Variants in ITGA9 observed in about 807,000 individuals in gnomAD.
The protein encoded by ITGA9 is integrin alpha-9.
In ITGA9, 56 loss-of-function variants were observed where a neutral mutation model predicts 127.8. The ratio of observed to expected loss-of-function variants is 0.44; its 90% confidence interval spans 0.35 to 0.55. The LOEUF (loss-of-function observed/expected upper bound fraction) is 0.55. ITGA9 is among the 20% of genes least tolerant of loss of function. The pLI is 0.00. For missense variants in ITGA9, 1,196 were observed against 1,347.1 expected, an observed-to-expected ratio of 0.89 and a Z score of 1.76; for synonymous variants, 508 against 514.5, an observed-to-expected ratio of 0.99 and a Z score of 0.17.
At chr3:37,783,737 C>A (rs1697006101) in intron 25 of ITGA9, among the ~76,000 whole-genome samples, 1 of 152,152 alleles carries the variant, frequency 6.6e-6, no homozygotes, top group Non-Finnish European at 1.5e-5. Flanking sequence ...TTATTTGTTG[C>A]TTAAAATTAT....
chr3:37,662,121 G>T (rs958646652), intron 17 of ITGA9, among the ~76,000 whole-genome samples: 1 of 152,114 alleles, frequency 6.6e-6, no homozygotes, highest in Non-Finnish European at 1.5e-5. Flanking sequence ...ACAGCCAGGG[G>T]GCCAGGCGCA....
chr3:37,470,061 C>T (rs1171105022), intron 1 of ITGA9, among the ~76,000 whole-genome samples: 1 of 151,858 alleles, frequency 6.6e-6, no homozygotes, highest in East Asian at 1.9e-4. Flanking sequence ...CCTCCCAGTG[C>T]TGCATAGAAT....
intron 17 of ITGA9, among the ~76,000 whole-genome samples, chr3:37,675,100 C>T (rs1209372801): frequency 3.9e-4 from 59 of 152,318 alleles, no homozygotes; most frequent in East Asian, 3.9e-4. Flanking sequence ...ATGTGCTATG[C>T]TGGTATGCAG....
intron 22 of ITGA9, chr3:37,748,576 C>CAACATG (rs1696537609): frequency 6.6e-6 from 3 of 455,424 alleles, no homozygotes; most frequent in Non-Finnish European, 1.2e-5. Flanking sequence ...GGTGAAATCC[C>CAACATG]GTCTCTACTA....
intron 22 of ITGA9, among the ~76,000 whole-genome samples, chr3:37,750,046 AC>A (rs931958120): frequency 7.4e-6 from 1 of 135,210 alleles, no homozygotes; most frequent in Non-Finnish European, 1.6e-5. Context: ...CCCACTCCAT[AC>A]CCCCCCACCA....
chr3:37,578,504 G>A (rs1017498555), intron 15 of ITGA9, among the ~76,000 whole-genome samples: 4 of 152,154 alleles, frequency 2.6e-5, no homozygotes, highest in African/African-American at 9.7e-5. Context: ...TTCCCTTAGG[G>A]AGTTCCTTCC....
intron 16 of ITGA9, among the ~76,000 whole-genome samples, chr3:37,650,067 A>G (rs1700415507): frequency 6.6e-6 from 1 of 152,212 alleles, no homozygotes; most frequent in African/African-American, 2.4e-5. Context: ...TGACTCACGT[A>G]GCCTGCAAGT....
intron 15 of ITGA9, among the ~76,000 whole-genome samples, chr3:37,550,157 C>T (rs574985350): frequency 3.3e-5 from 5 of 152,252 alleles, no homozygotes; most frequent in Admixed American, 1.3e-4. Context: ...GATTTAAACC[C>T]GCAAGTCTGG....
chr3:37,796,108 C>T (rs1386411890), intron 26 of ITGA9, among the ~76,000 whole-genome samples: 1 of 152,242 alleles, frequency 6.6e-6, no homozygotes. Flanking sequence ...GGCAGTGTCT[C>T]ACCCTTGCCA....
chr3:37,612,104 T>A (rs1353544138), intron 15 of ITGA9, among the ~76,000 whole-genome samples: 1 of 152,142 alleles, frequency 6.6e-6, no homozygotes, highest in Non-Finnish European at 1.5e-5. Context: ...CTATGAAGAC[T>A]GAAACAACAT....
At chr3:37,753,114 C>T (rs2125539231) in intron 23 of ITGA9, among the ~76,000 whole-genome samples, 1 of 152,270 alleles carries the variant, frequency 6.6e-6, no homozygotes, top group South Asian at 2.1e-4. Flanking sequence ...AGTGTCTGTC[C>T]ATCAGGAAGC....
intron 18 of ITGA9, among the ~76,000 whole-genome samples, chr3:37,698,568 T>A (rs1217731491): frequency 6.6e-6 from 1 of 152,212 alleles, no homozygotes; most frequent in Admixed American, 6.5e-5. Context: ...CACAATATGT[T>A]TTCTCCATTA....
chr3:37,474,748 C>T (rs1698474832), intron 3 of ITGA9, among the ~76,000 whole-genome samples: 12 of 152,192 alleles, frequency 7.9e-5, no homozygotes, highest in Admixed American at 7.9e-4. Flanking sequence ...TACTAGCTGC[C>T]GCTTATGGAG....
At chr3:37,710,289 T>C (rs6790998) in intron 18 of ITGA9, among the ~76,000 whole-genome samples, 139,016 of 152,122 alleles carry the variant, frequency 0.91, 63,654 homozygotes, top group African/African-American at 0.98. Flanking sequence ...ATTGGAACCC[T>C]CGTCCGTCTA....
At chr3:37,498,233 G>C (rs1184682941) in intron 5 of ITGA9, among the ~76,000 whole-genome samples, 2 of 152,184 alleles carry the variant, frequency 1.3e-5, no homozygotes, top group Non-Finnish European at 2.9e-5. Flanking sequence ...GTCCTGCCTG[G>C]GGCAGAAACT....
At chr3:37,628,075 G>T (rs963779473) in intron 15 of ITGA9, among the ~76,000 whole-genome samples, 3 of 152,174 alleles carry the variant, frequency 2.0e-5, no homozygotes, top group Non-Finnish European at 4.4e-5. Flanking sequence ...CACACAGAGA[G>T]TAGTATGAAG....
chr3:37,459,689 A>C (rs1228428751), intron 1 of ITGA9, among the ~76,000 whole-genome samples: 3 of 152,202 alleles, frequency 2.0e-5, no homozygotes, highest in African/African-American at 7.2e-5. Context: ...TACATGGCTA[A>C]TGAGTTGTCG....
intron 18 of ITGA9, among the ~76,000 whole-genome samples, chr3:37,706,679 C>T (rs984729375): frequency 2.6e-5 from 4 of 152,156 alleles, no homozygotes; most frequent in African/African-American, 9.7e-5. Flanking sequence ...TGGGTGCCCT[C>T]AGAATGCTAC....
intron 15 of ITGA9, among the ~76,000 whole-genome samples, chr3:37,552,225 C>T (rs763804900): frequency 1.3e-5 from 2 of 152,046 alleles, no homozygotes; most frequent in Non-Finnish European, 2.9e-5. Flanking sequence ...TCTGAGGGCC[C>T]GTCATGTCTC....
Sources: gnomAD v4.1 joint callset for allele counts (sites outside exome capture counted in the v4.1 genomes callset) on GRCh38, gnomAD v4.1.1 for gene constraint, MANE v1.5 for transcripts, NCBI Gene and HGNC (gene_info 2026-07-23, HGNC 2026-07-21) for gene names.